TERF2: variants seen among roughly 807,000 people sequenced by gnomAD.
TERF2 encodes telomeric repeat-binding factor 2.
Under a neutral mutation model 56.1 loss-of-function variants are expected in TERF2, and 16 were observed. The ratio of observed to expected loss-of-function variants is 0.29; its 90% confidence interval spans 0.19 to 0.43. The LOEUF (loss-of-function observed/expected upper bound fraction) is 0.43, where lower values mean the gene tolerates loss of function less well. TERF2 is among the 20% of genes least tolerant of loss of function. The probability of loss-of-function intolerance (pLI) is 1.00; values close to 1 mark genes in which losing one functional copy is unlikely to be tolerated. For synonymous variants in TERF2, 296 were observed against 282.1 expected (o/e 1.05, Z -0.50); for missense variants, 547 against 712.9 (o/e 0.77, Z 2.65).
At chr16:69,379,514 C>A (rs779228695) in intron 3 of TERF2, among the ~76,000 whole-genome samples, 1 of 152,152 alleles carries the variant, frequency 6.6e-6, no homozygotes, top group Non-Finnish European at 1.5e-5. Flanking sequence ...GAGGAGAAAA[C>A]AAATATAGTC....
Position 69,366,981 on chromosome 16 carries a change from C to A in TERF2, c.1166G>T (p.Gly389Val). The change falls in exon 7 of 10, where the codon GGC (glycine) becomes GTC (valine). Residue 389 changes from glycine to valine, a missense_variant. By Grantham distance (109) the Gly-to-Val change is moderately radical (BLOSUM62 -3). Transcript: ENST00000254942. ...CTTGTTCTTGGGCTGCAGTTCCGAGCCACCCTCACCGTCAGCCGGGGCTGA... is the reference window on the plus strand; with the variant it reads ...CTTGTTCTTGGGCTGCAGTTCCGAGACACCCTCACCGTCAGCCGGGGCTGA... Reference protein sequence around the residue: ...ESSAPADGEGGSELQPKNKRM... With the variant: ...ESSAPADGEGVSELQPKNKRM... The A allele has an allele frequency of 1.9e-6, 3 of 1,614,234 alleles. No individual in the cohort carries two copies. Among genetic ancestry groups the A allele is most frequent in the Non-Finnish European group, 2.5e-6 (3 of 1,180,042 alleles).
Position 69,370,322 on chromosome 16 carries a change from C to T in TERF2, c.840+161G>A, listed in dbSNP as rs544161535. 131 of 1,018,728 alleles carry T rather than the reference C, an allele frequency of 1.3e-4. 2 individuals carry two copies. Among genetic ancestry groups the T allele is most frequent in the Middle Eastern group, 3.1e-4 (1 of 3,184 alleles). 63.1% of individuals were successfully genotyped at this position (1,018,728 alleles called of 1,614,324 possible). A position where few individuals can be genotyped will look rare whatever the true frequency, so the allele number is the denominator to read the frequency against. ...CTGGGATTACAGGCGTGAGCCATTG[C>T]GCCTGGCCTGCTTTTGCATTTTTAA... is the stretch of plus-strand genomic sequence containing the variant. On this transcript the variant is annotated intron_variant, in intron 5 of 9. Transcript: ENST00000254942.
chr16:69,382,418 C>T (rs1337978319), intron 3 of TERF2, among the ~76,000 whole-genome samples: 3 of 152,182 alleles, frequency 2.0e-5, no homozygotes, highest in Non-Finnish European at 4.4e-5. Context: ...TATCATTTAA[C>T]AACTAGGAGA....
intron 2 of TERF2, 58 bp downstream of exon 2, chr16:69,385,333 G>T: frequency 1.4e-6 from 2 of 1,461,790 alleles, no homozygotes; most frequent in Admixed American, 1.7e-5. Context: ...CTAGATATAA[G>T]TTTTAAAACA....
chr16:69,382,938 T>C (rs1454122512), intron 3 of TERF2, among the ~76,000 whole-genome samples: 1 of 152,210 alleles, frequency 6.6e-6, no homozygotes, highest in African/African-American at 2.4e-5. Context: ...TAAGATCTAG[T>C]ACGTGGTGGA....
intron 6 of TERF2, 111 bp downstream of exon 6, chr16:69,368,265 C>T (rs907344557): frequency 2.4e-5 from 23 of 971,172 alleles, no homozygotes; most frequent in Non-Finnish European, 3.6e-5. Flanking sequence ...AACCTCGTAA[C>T]ACGTTAGTAG....
At position 69,385,705 on chromosome 16, in the gene TERF2, C is replaced by G. The variant is rs377647253; in HGVS notation, c.267G>C (p.Arg89=). 2 of 1,598,690 alleles carry G rather than the reference C, an allele frequency of 1.3e-6. No homozygotes were observed. The highest frequency in any genetic ancestry group is 1.7e-6 in the Non-Finnish European group (2 of 1,174,466). Residue 89 remains arginine (R), a synonymous_variant, in exon 1 of 10, where the codon CGG becomes CGC. Transcript: ENST00000254942. The part of the protein sequence containing the change: ...GPAERGAGEA[R]LEEAVNRWVL... ...CCCAGCGATTGACTGCCTCTTCCAG[C>G]CGTGCCTCCCCCGCGCCGCGCTCCG...
intron 3 of TERF2, among the ~76,000 whole-genome samples, chr16:69,379,244 G>T (rs572099488): frequency 6.6e-6 from 1 of 152,208 alleles, no homozygotes. Flanking sequence ...AAGCAAGGCT[G>T]TTCTGGGAAG....
At chr16:69,380,964 G>A (rs1206020654) in intron 3 of TERF2, among the ~76,000 whole-genome samples, 6 of 151,622 alleles carry the variant, frequency 4.0e-5, no homozygotes. Flanking sequence ...ACCACGCCTG[G>A]CTAATTTTTT....
rs140188758 is a variant in TERF2 at position 69,383,090 on chromosome 16, A to C, written c.606+1490T>G. ...ATAATAATAAATACGCAGCTGAAAG[A>C]TGAAAGCCCACAAAGACTCTTCCAG... On this transcript the variant is annotated intron_variant, in intron 3 of 9. Transcript: ENST00000254942. Among the ~76,000 whole-genome samples, 377 of 152,310 alleles carry C rather than the reference A, an allele frequency of 2.5e-3. 1 individual carries two copies. Among genetic ancestry groups the C allele is most frequent in the African/African-American group, 7.4e-3 (308 of 41,564 alleles).
rs114631374 is a variant in TERF2 at position 69,373,992 on chromosome 16, G to A, written c.607-1637C>T. Among the ~76,000 whole-genome samples, 450 of 152,292 alleles carry A rather than the reference G, an allele frequency of 3.0e-3. 1 individual carries two copies. Among genetic ancestry groups the A allele is most frequent in the African/African-American group, 9.3e-3 (387 of 41,568 alleles). On this transcript the variant is annotated intron_variant, in intron 3 of 9. Coordinates refer to ENST00000254942, the MANE Select transcript of TERF2 (RefSeq NM_005652.5). ...CGTGTTAAGCACAGCCATACAGGGC[G>A]GAAGGCAACTGATGTCAAACGCCCT... is the stretch of plus-strand genomic sequence containing the variant.
chr16:69,356,878 T>C lies in TERF2; in HGVS notation c.*20A>G. On this transcript the variant is annotated 3_prime_UTR_variant, in exon 10 of 10. Transcript: ENST00000254942. ...TTAGGAACCATGCTCCTGTGAATTC[T>C]GTGGAAATGAAAGCCTGTTTCAGTT... The C allele has an allele frequency of 6.2e-7, 1 of 1,602,976 alleles. No individual in the cohort carries two copies. Among genetic ancestry groups the C allele is most frequent in the South Asian group, 1.1e-5 (1 of 89,196 alleles).
At chr16:69,368,247 G>T in intron 6 of TERF2, 129 bp downstream of exon 6, 1 of 819,620 alleles carries the variant, frequency 1.2e-6, no homozygotes, top group Non-Finnish European at 1.9e-6. Context: ...CCAGTGCCTT[G>T]TATGAGTAAC....
Position 69,356,753 on chromosome 16 carries a change from T to G in TERF2, c.*145A>C, listed in dbSNP as rs1243893101. On this transcript the variant is annotated 3_prime_UTR_variant, in exon 10 of 10. Coordinates refer to ENST00000254942, the MANE Select transcript of TERF2 (RefSeq NM_005652.5). Reference sequence around the variant, plus strand: ...AGACGGAGGTCGCAGTGAGCCGAGATCACGCCACTGCACTCCAGCCTGGGT... The same window carrying G: ...AGACGGAGGTCGCAGTGAGCCGAGAGCACGCCACTGCACTCCAGCCTGGGT... 42 of 882,274 alleles carry G rather than the reference T, an allele frequency of 4.8e-5. No individual in the cohort carries two copies. The highest frequency in any genetic ancestry group is 6.3e-5 in the Non-Finnish European group (39 of 620,592). 54.7% of individuals were successfully genotyped at this position (882,274 alleles called of 1,614,324 possible).
At chr16:69,380,419 G>A (rs550902600) in intron 3 of TERF2, among the ~76,000 whole-genome samples, 260 of 151,948 alleles carry the variant, frequency 1.7e-3, no homozygotes, top group South Asian at 1.9e-3. Flanking sequence ...CCAGCACTTT[G>A]GGAGGCCAAG....
chr16:69,375,354 C>T (rs1165380096), intron 3 of TERF2, among the ~76,000 whole-genome samples: 1 of 152,152 alleles, frequency 6.6e-6, no homozygotes, highest in Non-Finnish European at 1.5e-5. Flanking sequence ...ATCCCGCATT[C>T]CCATCAGCAA....
chr16:69,384,517 G>A, intron 3 of TERF2, 63 bp downstream of exon 3: 1 of 1,563,248 alleles, frequency 6.4e-7, no homozygotes, highest in Non-Finnish European at 8.7e-7. Flanking sequence ...AAGAGTAAGT[G>A]CTGTATCCTC....
intron 5 of TERF2, 58 bp downstream of exon 5, chr16:69,370,425 G>T: frequency 1.3e-6 from 2 of 1,579,698 alleles, no homozygotes; most frequent in African/African-American, 1.4e-5. Context: ...CAGATATTCT[G>T]ATTCCCCGCA....
intron 8 of TERF2, among the ~76,000 whole-genome samples, chr16:69,359,862 G>A (rs145132215): frequency 0.012 from 1,869 of 151,502 alleles, 40 homozygotes; most frequent in African/African-American, 0.043. Flanking sequence ...CTTGTGATCC[G>A]CCTGCCTCGG....
Sources: gnomAD v4.1 joint callset for allele counts (sites outside exome capture counted in the v4.1 genomes callset) on GRCh38, gnomAD v4.1.1 for gene constraint, MANE v1.5 for transcripts, NCBI Gene and HGNC (gene_info 2026-07-23, HGNC 2026-07-21) for gene names.